The following CREB5 variants were observed in gnomAD, a reference collection of about 807,000 sequenced individuals.
The protein encoded by CREB5 is cyclic AMP-responsive element-binding protein 5.
CREB5 carries 19 observed loss-of-function variants against 57.1 expected under a neutral mutation model. That is an observed-to-expected ratio of 0.33 (90% CI 0.23 to 0.49). The LOEUF (loss-of-function observed/expected upper bound fraction) is 0.49, where lower values mean the gene tolerates loss of function less well. Ranked by LOEUF, CREB5 falls within the 20% of genes least tolerant of loss-of-function variation. The pLI, the probability that CREB5 is intolerant of heterozygous loss-of-function variation, is 0.99. For missense variants in CREB5, 579 were observed against 671.6 expected (o/e 0.86, Z 1.52); for synonymous variants, 238 against 238.3 (o/e 1.00, Z 0.01).
chr7:28,378,537 C>T (rs554023884), intron 1 of CREB5, among the ~76,000 whole-genome samples: 12 of 152,026 alleles, frequency 7.9e-5, no homozygotes, highest in Non-Finnish European at 1.5e-4. Flanking sequence ...TATACCTGTT[C>T]CTGTTACCCT....
At chr7:28,349,333 G>A (rs890302201) in intron 1 of CREB5, among the ~76,000 whole-genome samples, 1 of 151,930 alleles carries the variant, frequency 6.6e-6, no homozygotes, top group Non-Finnish European at 1.5e-5. Flanking sequence ...TAGACAGATC[G>A]AACAGTCTTT....
intron 1 of CREB5, among the ~76,000 whole-genome samples, chr7:28,399,898 A>T (rs959192541): frequency 6.6e-6 from 1 of 152,170 alleles, no homozygotes; most frequent in Non-Finnish European, 1.5e-5. Flanking sequence ...CCACTAAAAA[A>T]AATACAAAAA....
intron 4 of CREB5, among the ~76,000 whole-genome samples, chr7:28,548,703 A>C (rs1049567027): frequency 6.6e-5 from 10 of 152,164 alleles, no homozygotes; most frequent in Admixed American, 6.6e-4. Flanking sequence ...TTCTTCTTTT[A>C]ATCACACAAC....
intron 5 of CREB5, among the ~76,000 whole-genome samples, chr7:28,592,953 T>C (rs1314006901): frequency 6.6e-6 from 1 of 152,236 alleles, no homozygotes; most frequent in African/African-American, 2.4e-5. Flanking sequence ...CCCAAGGTCA[T>C]GTAAATCATA....
intron 5 of CREB5, among the ~76,000 whole-genome samples, chr7:28,644,666 AT>A (rs1313796370): frequency 6.6e-6 from 1 of 152,186 alleles, no homozygotes; most frequent in Non-Finnish European, 1.5e-5. Context: ...TCAATTTGAA[AT>A]ATTACAGATG....
intron 5 of CREB5, among the ~76,000 whole-genome samples, chr7:28,706,217 A>G (rs1026807036): frequency 1.3e-5 from 2 of 152,166 alleles, no homozygotes; most frequent in Non-Finnish European, 2.9e-5. Context: ...TTAGATGGGC[A>G]TGGTGATGGT....
upstream of CREB5, among the ~76,000 whole-genome samples, chr7:28,412,196 C>G (rs998391917): frequency 6.6e-6 from 1 of 152,214 alleles, no homozygotes; most frequent in Non-Finnish European, 1.5e-5. Flanking sequence ...GCTCTATTAA[C>G]AGAAAGCCCT....
At chr7:28,407,204 C>T (rs1010081427) in intron 1 of CREB5, among the ~76,000 whole-genome samples, 3 of 152,082 alleles carry the variant, frequency 2.0e-5, no homozygotes, top group African/African-American at 2.4e-5. Flanking sequence ...CACCCACCAC[C>T]ACACCCAGCT....
chr7:28,560,885 T>TGTGC (rs1365184678), intron 4 of CREB5, among the ~76,000 whole-genome samples: 411 of 26,434 alleles, frequency 0.016, 50 homozygotes, highest in South Asian at 0.082. Context: ...CGTGCGTGCG[T>TGTGC]GCGTGTGTGT....
chr7:28,459,845 C>CA (rs1320648711), intron 1 of CREB5, among the ~76,000 whole-genome samples: 4 of 152,140 alleles, frequency 2.6e-5, no homozygotes, highest in Admixed American at 1.3e-4. Context: ...ACACATGCTT[C>CA]ATATATATTA....
Position 28,304,130 on chromosome 7 carries a change from G to A in CREB5, c.-25+4689G>A, listed in dbSNP as rs148262521. Reference sequence around the variant, plus strand: ...TTCATCCTGTTTTCTTTATCTACAAGTCTTCTATTAAAGATGTGAGCCTGG... The same window carrying A: ...TTCATCCTGTTTTCTTTATCTACAAATCTTCTATTAAAGATGTGAGCCTGG... On this transcript the variant is annotated intron_variant, in intron 1 of 9. Coordinates refer to the CREB5 transcript ENST00000396299. 2.2e-4 allele frequency among the ~76,000 whole-genome samples: 34 copies of A among 152,218 alleles called. No individual in the cohort carries two copies. In the East Asian group the frequency reaches 6.2e-3, roughly 28 times the overall value.
intron 1 of CREB5, among the ~76,000 whole-genome samples, chr7:28,436,168 G>A (rs1481898084): frequency 6.6e-6 from 1 of 151,716 alleles, no homozygotes; most frequent in Non-Finnish European, 1.5e-5. Flanking sequence ...TTAAATGTGT[G>A]CATTCCTGCA....
At chr7:28,538,396 T>C (rs530060513) in intron 4 of CREB5, among the ~76,000 whole-genome samples, 1 of 137,474 alleles carries the variant, frequency 7.3e-6, no homozygotes, top group East Asian at 1.9e-4. Flanking sequence ...TGTCTTGTGA[T>C]GAAACCTTTA....
intron 5 of CREB5, among the ~76,000 whole-genome samples, chr7:28,625,272 G>T (rs1478976153): frequency 5.3e-5 from 8 of 152,058 alleles, no homozygotes; most frequent in African/African-American, 1.9e-4. Context: ...ACCCACACAT[G>T]CTGATAGGAC....
chr7:28,327,636 T>A (rs557795388), intron 1 of CREB5, among the ~76,000 whole-genome samples: 1 of 152,244 alleles, frequency 6.6e-6, no homozygotes, highest in African/African-American at 2.4e-5. Context: ...ATCTGATCTC[T>A]TGAGAGTTTT....
intron 1 of CREB5, among the ~76,000 whole-genome samples, chr7:28,374,559 A>G (rs1266752801): frequency 6.6e-6 from 1 of 152,220 alleles, no homozygotes; most frequent in Non-Finnish European, 1.5e-5. Flanking sequence ...ATGAACTTCA[A>G]AAATATTGCG....
chr7:28,624,640 T>C (rs1797932154), intron 5 of CREB5, among the ~76,000 whole-genome samples: 1 of 151,190 alleles, frequency 6.6e-6, no homozygotes, highest in Admixed American at 6.6e-5. Flanking sequence ...TTTTCTCAAA[T>C]TGTACTTCGT....
intron 1 of CREB5, among the ~76,000 whole-genome samples, chr7:28,477,594 G>A (rs1003790545): frequency 3.9e-5 from 6 of 152,342 alleles, no homozygotes; most frequent in Admixed American, 6.5e-5. Flanking sequence ...AAGGCCCTGC[G>A]TTTGTTTATT....
chr7:28,653,722 C>G (rs1438803196), intron 5 of CREB5, among the ~76,000 whole-genome samples: 1 of 152,232 alleles, frequency 6.6e-6, no homozygotes, highest in African/African-American at 2.4e-5. Context: ...TAAACCAGCT[C>G]CCTGGGGGAA....
Sources: gnomAD v4.1 joint callset for allele counts (sites outside exome capture counted in the v4.1 genomes callset) on GRCh38, gnomAD v4.1.1 for gene constraint, MANE v1.5 for transcripts, NCBI Gene and HGNC (gene_info 2026-07-23, HGNC 2026-07-21) for gene names.